Variants in MYL12A observed in about 807,000 individuals in gnomAD.
MYL12A encodes the protein myosin light chain 12A.
A neutral mutation model predicts 13.3 loss-of-function variants in MYL12A; 11 were observed. That is an observed-to-expected ratio of 0.83 (90% CI 0.52 to 1.37). MYL12A has a LOEUF of 1.37. Ranked by LOEUF, MYL12A falls within the 40% of genes most tolerant of loss-of-function variation. The pLI, the probability that MYL12A is intolerant of heterozygous loss-of-function variation, is 0.00. For synonymous variants in MYL12A, 51 were observed against 69.9 expected, an observed-to-expected ratio of 0.73 and a Z score of 1.35; for missense variants, 146 against 212.3, an observed-to-expected ratio of 0.69 and a Z score of 1.94.
intron 1 of MYL12A, 45 bp from the exon 2 acceptor site, chr18:3,253,188 C>T: frequency 6.5e-7 from 1 of 1,545,100 alleles, no homozygotes; most frequent in Non-Finnish European, 8.8e-7. Flanking sequence ...CTTAAGTAAT[C>T]TTAGATGTTG....
At position 3,255,768 on chromosome 18, in the gene MYL12A, G is replaced by A. The variant is rs1255094541; in HGVS notation, c.366G>A (p.Leu122=). Residue 122 remains leucine (L), a synonymous_variant, in exon 4 of 4, where the codon TTG becomes TTA. Coordinates refer to ENST00000217652, the MANE Select transcript of MYL12A (RefSeq NM_006471.4). The part of the protein sequence containing the change: ...EATGTIQEDY[L]RELLTTMGDR... ...CAGGCACCATACAGGAAGATTACTT[G>A]AGAGAGCTGCTGACAACCATGGGGG... The A allele has an allele frequency of 2.5e-6, 4 of 1,613,746 alleles. No individual in the cohort carries two copies. The highest frequency in any genetic ancestry group is 1.3e-5 in the African/African-American group (1 of 74,912).
At position 3,255,583 on chromosome 18, in the gene MYL12A, C is replaced by T. The variant is rs547869332; in HGVS notation, c.344-163C>T. On this transcript the variant is annotated intron_variant, in intron 3 of 3. Coordinates refer to ENST00000217652, the MANE Select transcript of MYL12A (RefSeq NM_006471.4). ...AAGCAGCTAGGCATTTTTCTAGGCA[C>T]TTCTCTGCTGAGGCTGTTTTAAGTA... 169 of 848,568 alleles carry T rather than the reference C, an allele frequency of 2.0e-4. 1 individual carries two copies. The highest frequency in any genetic ancestry group is 2.4e-4 in the Non-Finnish European group (143 of 584,144). 52.6% of individuals were successfully genotyped at this position (848,568 alleles called of 1,614,324 possible). A position where few individuals can be genotyped will look rare whatever the true frequency, so the allele number is the denominator to read the frequency against.
chr18:3,253,225 C>T lies in MYL12A; in HGVS notation c.-15-8C>T. 1 of 1,581,410 alleles carries T rather than the reference C, an allele frequency of 6.3e-7. No homozygotes were observed. Among genetic ancestry groups the T allele is most frequent in the Non-Finnish European group, 8.6e-7 (1 of 1,162,064 alleles). ...TTTGGTTTTTATTGTATTTCCTTTC[C>T]TAATTAGGACTTAACCACCACCATG... On this transcript the variant is annotated splice_polypyrimidine_tract_variant and splice_region_variant and intron_variant, in intron 1 of 3. Coordinates refer to ENST00000217652, the MANE Select transcript of MYL12A (RefSeq NM_006471.4).
upstream of MYL12A, chr18:3,247,587 G>A (rs1464935739): frequency 6.6e-6 from 1 of 152,502 alleles, no homozygotes; most frequent in Non-Finnish European, 1.5e-5. Context: ...TGCAACAACA[G>A]GTACAAAAAA....
At chr18:3,252,759 G>C (rs1468875159) in intron 1 of MYL12A, among the ~76,000 whole-genome samples, 1 of 152,160 alleles carries the variant, frequency 6.6e-6, no homozygotes, top group Non-Finnish European at 1.5e-5. Flanking sequence ...AAAAATGTTA[G>C]TTGAAAGTGA....
At chr18:3,251,683 A>G (rs940791225) in intron 1 of MYL12A, among the ~76,000 whole-genome samples, 8 of 152,154 alleles carry the variant, frequency 5.3e-5, no homozygotes, top group Non-Finnish European at 1.0e-4. Context: ...GGGATTTACT[A>G]CCCCCAAAGG....
In MYL12A at chr18:3,253,243, C is replaced by T; in HGVS notation, c.-5C>T. 1 of 1,612,290 alleles carries T rather than the reference C, an allele frequency of 6.2e-7. No individual in the cohort carries two copies. The highest frequency in any genetic ancestry group is 1.3e-5 in the African/African-American group (1 of 74,974). ...TCCTTTCCTAATTAGGACTTAACCA[C>T]CACCATGTCGAGCAAAAGAACAAAG... On this transcript the variant is annotated 5_prime_UTR_variant, in exon 2 of 4. Coordinates refer to ENST00000217652, the MANE Select transcript of MYL12A (RefSeq NM_006471.4).
chr18:3,254,083 A>C, intron 3 of MYL12A, 33 bp downstream of exon 3: 3 of 1,597,238 alleles, frequency 1.9e-6, no homozygotes, highest in Non-Finnish European at 2.6e-6. Context: ...TTATAAAGTG[A>C]TTTAATTTTT....
chr18:3,251,141 CAAA>C (rs5822748), intron 1 of MYL12A, among the ~76,000 whole-genome samples: 12 of 110,220 alleles, frequency 1.1e-4, no homozygotes, highest in African/African-American at 2.4e-4. Flanking sequence ...AGTGCTGACC[CAAA>C]AAAAAAAAAA....
intron 1 of MYL12A, among the ~76,000 whole-genome samples, chr18:3,253,021 C>T (rs556702722): frequency 6.6e-6 from 1 of 152,114 alleles, no homozygotes; most frequent in Non-Finnish European, 1.5e-5. Context: ...GTTATCAAAT[C>T]AGCAGATTTG....
chr18:3,253,700 CAT>C, intron 2 of MYL12A, 187 bp from the exon 3 acceptor site: 1 of 719,456 alleles, frequency 1.4e-6, no homozygotes, highest in South Asian at 2.0e-5. Flanking sequence ...AATGGACTAT[CAT>C]ATACTTTCCA....
At chr18:3,254,348 C>T (rs2081517346) in intron 3 of MYL12A, among the ~76,000 whole-genome samples, 1 of 152,100 alleles carries the variant, frequency 6.6e-6, no homozygotes, top group South Asian at 2.1e-4. Flanking sequence ...AAACTTTTAC[C>T]AGAATAATCT....
chr18:3,251,036 C>T (rs2053567), intron 1 of MYL12A, among the ~76,000 whole-genome samples: 22,682 of 151,250 alleles, frequency 0.15, 1,768 homozygotes, highest in East Asian at 0.26. Flanking sequence ...ATTAATATGA[C>T]GTTTGATACA....
chr18:3,252,395 G>C (rs1175396858), intron 1 of MYL12A: 2 of 1,471,104 alleles, frequency 1.4e-6, no homozygotes, highest in Non-Finnish European at 1.8e-6. Context: ...GTTTTTAACA[G>C]ATTGAGTATT....
At chr18:3,252,505 T>C (rs1466335274) in intron 1 of MYL12A, 13 of 1,248,990 alleles carry the variant, frequency 1.0e-5, no homozygotes, top group Non-Finnish European at 1.4e-5. Context: ...AGGTAGTTTC[T>C]ACGTTTAAGA....
At chr18:3,252,528 C>G (rs1338382327) in intron 1 of MYL12A, 4 of 1,167,126 alleles carry the variant, frequency 3.4e-6, no homozygotes, top group Non-Finnish European at 4.5e-6. Flanking sequence ...TTTTCTAAAA[C>G]TTTTAAAATT....
chr18:3,251,483 A>G (rs995125003), intron 1 of MYL12A, among the ~76,000 whole-genome samples: 2 of 152,248 alleles, frequency 1.3e-5, no homozygotes, highest in Non-Finnish European at 2.9e-5. Context: ...CAAAGGCGTG[A>G]CATGCCTAAA....
rs565190490 is a variant in MYL12A, at chr18:3,247,867, CGAGGGGCTCGGA to C, written c.-53_-42del. 108 of 152,280 alleles carry C rather than the reference CGAGGGGCTCGGA, an allele frequency of 7.1e-4. No homozygotes were observed. The highest frequency in any genetic ancestry group is 2.6e-3 in the African/African-American group (107 of 41,556). 9.4% of individuals were successfully genotyped at this position (152,280 alleles called of 1,614,324 possible). ...TAGCAGGGTGGTGTGATAGCGGCAG[CGAGGGGCTCGGA>C]GAGGTGCTCGGATTCTCGTAGCTGT... is the stretch of plus-strand genomic sequence containing the variant. On this transcript the variant is annotated 5_prime_UTR_variant, in exon 1 of 4. Coordinates refer to ENST00000217652, the MANE Select transcript of MYL12A (RefSeq NM_006471.4).
intron 1 of MYL12A, chr18:3,252,499 A>G (rs1209486973): frequency 8.0e-7 from 1 of 1,251,962 alleles, no homozygotes; most frequent in African/African-American, 1.5e-5. Flanking sequence ...GAGCAAAGGT[A>G]GTTTCTACGT....
Sources: allele counts gnomAD v4.1 joint callset (sites outside exome capture counted in the v4.1 genomes callset), GRCh38; gene constraint gnomAD v4.1.1; transcripts MANE v1.5; gene names NCBI Gene and HGNC (gene_info 2026-07-23, HGNC 2026-07-21).